Variants in NEDD4L observed in about 807,000 individuals in gnomAD.
NEDD4L encodes NEDD4 like E3 ubiquitin protein ligase.
Under a neutral mutation model 148.9 loss-of-function variants are expected in NEDD4L, and 54 were observed. The ratio of observed to expected loss-of-function variants is 0.36; its 90% CI spans 0.29 to 0.45. NEDD4L has a LOEUF of 0.45. Among genes scored for constraint, NEDD4L ranks in the 20% least tolerant of loss-of-function variants. The pLI, the probability that NEDD4L is intolerant of heterozygous loss-of-function variation, is 1.00. For synonymous variants in NEDD4L, 433 were observed against 440.7 expected, an observed-to-expected ratio of 0.98 and a Z score of 0.22; for missense variants, 856 against 1,233.8, an observed-to-expected ratio of 0.69 and a Z score of 4.59.
At chr18:58,142,307 C>G (rs1304030314) in intron 1 of NEDD4L, among the ~76,000 whole-genome samples, 2 of 149,634 alleles carry the variant, frequency 1.3e-5, no homozygotes, top group African/African-American at 5.0e-5. Context: ...CTCGACCTCC[C>G]AAAGTGCTGG....
chr18:58,194,529 C>A (rs1463734924), intron 2 of NEDD4L, among the ~76,000 whole-genome samples: 1 of 152,134 alleles, frequency 6.6e-6, no homozygotes, highest in Non-Finnish European at 1.5e-5. Flanking sequence ...CTGTTCTTGG[C>A]CTTGAAGTGG....
intron 2 of NEDD4L, among the ~76,000 whole-genome samples, chr18:58,192,012 A>C (rs2040173787): frequency 6.6e-6 from 1 of 152,190 alleles, no homozygotes; most frequent in South Asian, 2.1e-4. Context: ...CTCTACAAAA[A>C]ATACAAAAAT....
intron 1 of NEDD4L, among the ~76,000 whole-genome samples, chr18:58,108,504 T>C (rs1304796439): frequency 6.6e-6 from 1 of 152,218 alleles, no homozygotes; most frequent in Non-Finnish European, 1.5e-5. Context: ...CACTGCAACC[T>C]CCGCCTCCTG....
intron 2 of NEDD4L, chr18:58,195,357 T>C: frequency 8.8e-7 from 1 of 1,137,204 alleles, no homozygotes. Flanking sequence ...AAGTTCCTCC[T>C]ATAGTCATTG....
rs147148524 is a variant in NEDD4L at position 58,311,706 on chromosome 18, TTTGTTG to T, written c.298-4255_298-4250del. Among the ~76,000 whole-genome samples the T allele has an allele frequency of 4.4e-3, 664 of 152,038 alleles. 3 individuals are homozygous for T. The highest frequency in any genetic ancestry group is 0.012 in the African/African-American group (483 of 41,474). ...CCTAAAGATAAGAGTCCCTGTGGTT[TTTGTTG>T]TTGTTGTTGTTGTTGTTGTTTGAAT... On this transcript the variant is annotated intron_variant, in intron 5 of 30. Coordinates refer to ENST00000400345, the MANE Select transcript of NEDD4L (RefSeq NM_001144967.3).
chr18:58,085,240 A>G (rs963685672), intron 1 of NEDD4L, among the ~76,000 whole-genome samples: 1 of 152,160 alleles, frequency 6.6e-6, no homozygotes. Context: ...GAGGACTGAT[A>G]TGAGTGGAGA....
chr18:58,267,998 G>A (rs1052492080), intron 5 of NEDD4L, among the ~76,000 whole-genome samples: 2 of 152,002 alleles, frequency 1.3e-5, no homozygotes, highest in African/African-American at 4.8e-5. Context: ...GGGGCCAAGG[G>A]AAAATTGCTC....
At chr18:58,293,477 G>A (rs538376983) in intron 5 of NEDD4L, among the ~76,000 whole-genome samples, 2 of 152,288 alleles carry the variant, frequency 1.3e-5, no homozygotes, top group Admixed American at 6.5e-5. Flanking sequence ...TTTCAATGTC[G>A]TAAAAAGGCA....
At chr18:58,086,634 C>G (rs1475140143) in intron 1 of NEDD4L, among the ~76,000 whole-genome samples, 3 of 152,150 alleles carry the variant, frequency 2.0e-5, no homozygotes, top group African/African-American at 7.2e-5. Context: ...TAAGTACAAA[C>G]AAGGCTGTAA....
chr18:58,307,000 T>TGACTACAGG (rs2057145655), intron 5 of NEDD4L, among the ~76,000 whole-genome samples: 1 of 152,248 alleles, frequency 6.6e-6, no homozygotes, highest in African/African-American at 2.4e-5. Context: ...GGCTTGTTAT[T>TGACTACAGG]CCTTGCAATC....
At chr18:58,376,317 T>C (rs2047552453) in intron 24 of NEDD4L, among the ~76,000 whole-genome samples, 1 of 152,190 alleles carries the variant, frequency 6.6e-6, no homozygotes, top group Non-Finnish European at 1.5e-5. Flanking sequence ...TTCTTCTGAC[T>C]TTTGGGTAGG....
chr18:58,371,349 A>T (rs543652713), intron 23 of NEDD4L, among the ~76,000 whole-genome samples: 25 of 151,684 alleles, frequency 1.6e-4, no homozygotes, highest in Non-Finnish European at 2.9e-4. Context: ...CACCGCACCC[A>T]GCACGGATTT....
At chr18:58,279,662 G>A (rs1034088059) in intron 5 of NEDD4L, among the ~76,000 whole-genome samples, 1 of 152,220 alleles carries the variant, frequency 6.6e-6, no homozygotes, top group Admixed American at 6.5e-5. Flanking sequence ...AGCCGTCTGA[G>A]AGCTGGGACT....
intron 28 of NEDD4L, chr18:58,390,339 TA>T (rs1252080578): frequency 8.0e-6 from 2 of 248,818 alleles, no homozygotes; most frequent in Non-Finnish European, 1.6e-5. Context: ...ATAATTGGCT[TA>T]GGGGGAACTG....
At chr18:58,257,393 A>T (rs952699313) in intron 5 of NEDD4L, among the ~76,000 whole-genome samples, 12 of 151,382 alleles carry the variant, frequency 7.9e-5, no homozygotes, top group African/African-American at 2.9e-4. Flanking sequence ...CGCTTGTGGG[A>T]TAGTGACATT....
chr18:58,136,326 G>A (rs1649066278), intron 1 of NEDD4L, among the ~76,000 whole-genome samples: 6 of 152,176 alleles, frequency 3.9e-5, no homozygotes, highest in Admixed American at 3.9e-4. Context: ...ATTTGATTTA[G>A]CTACTGATAA....
chr18:58,376,750 C>T (rs1646319867), intron 24 of NEDD4L, among the ~76,000 whole-genome samples: 1 of 152,206 alleles, frequency 6.6e-6, no homozygotes, highest in East Asian at 1.9e-4. Flanking sequence ...CAGGGGTCTC[C>T]CCTGCCCTTG....
At chr18:58,337,342 G>A (rs1462651381) in intron 13 of NEDD4L, among the ~76,000 whole-genome samples, 1 of 152,146 alleles carries the variant, frequency 6.6e-6, no homozygotes, top group African/African-American at 2.4e-5. Flanking sequence ...TATCCTGCAT[G>A]TTTCTCTTCC....
intron 4 of NEDD4L, among the ~76,000 whole-genome samples, chr18:58,251,541 GTA>G (rs2047940992): frequency 6.8e-6 from 1 of 148,022 alleles, no homozygotes; most frequent in Admixed American, 6.7e-5. Flanking sequence ...GTGTTTGTGT[GTA>G]TGTGTGTGTG....
Sources: allele counts gnomAD v4.1 joint callset (sites outside exome capture counted in the v4.1 genomes callset), GRCh38; gene constraint gnomAD v4.1.1; transcripts MANE v1.5; gene names NCBI Gene and HGNC (gene_info 2026-07-23, HGNC 2026-07-21).